CSMD2: variants seen among roughly 807,000 people sequenced by gnomAD.
CSMD2 encodes the protein CUB and Sushi multiple domains 2, also known as CUB and sushi domain-containing protein 2.
CSMD2 carries 130 observed loss-of-function variants against 398.5 expected under a neutral mutation model. That is an observed-to-expected ratio of 0.33 (90% CI 0.28 to 0.38). The LOEUF (loss-of-function observed/expected upper bound fraction) is 0.38. Ranked by LOEUF, CSMD2 falls within the 10% of genes least tolerant of loss-of-function variation. The probability of loss-of-function intolerance (pLI) is 1.00; values close to 1 mark genes in which losing one functional copy is unlikely to be tolerated. For synonymous variants in CSMD2, 1,828 were observed against 1,908.5 expected (o/e 0.96, Z 1.10); for missense variants, 3,829 against 4,764.9 (o/e 0.80, Z 5.78).
intron 2 of CSMD2, among the ~76,000 whole-genome samples, chr1:34,061,909 G>A (rs970307905): frequency 6.6e-6 from 1 of 152,130 alleles, no homozygotes; most frequent in Non-Finnish European, 1.5e-5. Flanking sequence ...GAGGTTGAAA[G>A]CATTATCTTC....
chr1:34,156,590 T>C (rs1375715241), intron 1 of CSMD2, among the ~76,000 whole-genome samples: 1 of 152,212 alleles, frequency 6.6e-6, no homozygotes, highest in African/African-American at 2.4e-5. Context: ...GATGGACACA[T>C]AATTTTTTGA....
At chr1:33,715,568 T>C (rs1483519163) in intron 20 of CSMD2, among the ~76,000 whole-genome samples, 2 of 152,150 alleles carry the variant, frequency 1.3e-5, no homozygotes, top group Non-Finnish European at 2.9e-5. Flanking sequence ...ATGTGACAGG[T>C]GACTTCTGCA....
intron 44 of CSMD2, among the ~76,000 whole-genome samples, chr1:33,594,954 A>G (rs1639740801): frequency 6.6e-6 from 1 of 152,358 alleles, no homozygotes; most frequent in Non-Finnish European, 1.5e-5. Context: ...AGTCGCCAAC[A>G]TGTTGCCCTG....
In CSMD2 at chr1:34,163,668, A is replaced by G. The variant is rs894867538; in HGVS notation, c.187+1243T>C. Among the ~76,000 whole-genome samples, 16 of 152,218 alleles carry G rather than the reference A, an allele frequency of 1.1e-4. No homozygotes were observed. In the East Asian group the frequency reaches 2.3e-3, roughly 22 times the overall value. On this transcript the variant is annotated intron_variant, in intron 1 of 70. Transcript: ENST00000373381. The surrounding 1 kb of genome is among the most constrained non-coding windows in gnomAD (Gnocchi z 5.4). ...AAACAAAACAAAACAAAACAAAAAC[A>G]AAAACAAAAAAGAAAACACGGCTCC...
At chr1:33,726,288 G>C (rs975875993) in intron 16 of CSMD2, among the ~76,000 whole-genome samples, 12 of 152,214 alleles carry the variant, frequency 7.9e-5, no homozygotes, top group African/African-American at 2.6e-4. Flanking sequence ...GGGCTGGGGA[G>C]GGGGGAGCTC....
At chr1:33,957,461 G>A (rs1036671062) in intron 3 of CSMD2, among the ~76,000 whole-genome samples, 1 of 152,034 alleles carries the variant, frequency 6.6e-6, no homozygotes, top group Non-Finnish European at 1.5e-5. Context: ...GCTAGACCTC[G>A]CTTTAAGATT....
At chr1:33,617,022 A>G (rs1331061709) in intron 38 of CSMD2, 47 bp from the exon 39 acceptor site, 2 of 1,482,426 alleles carry the variant, frequency 1.3e-6, no homozygotes, top group South Asian at 1.1e-5. Context: ...CCGTGGGCAC[A>G]ATTGTATGTA....
rs1256599358 is a variant in CSMD2 at position 33,533,815 on chromosome 1, T to A, written c.9972A>T (p.Gly3324=). The A allele has an allele frequency of 4.3e-6, 7 of 1,613,112 alleles. No homozygotes were observed. The highest frequency in any genetic ancestry group is 5.9e-6 in the Non-Finnish European group (7 of 1,179,210). The change falls in exon 63 of 71, where the codon GGA becomes GGT. Residue 3324 remains glycine (G), a synonymous_variant. Transcript: ENST00000373381. The surrounding 1 kb of genome is among the most constrained non-coding windows in gnomAD (Gnocchi z 4.2). ...RTCLPNLTWS[G]TPPDCVPHHC... is the part of the protein sequence containing the mutation. ...ACTCACGGACACAGTCAGGTGGGGT[T>A]CCACTCCAGGTCAGGTTTGGGAGGC...
chr1:33,611,768 G>C (rs1403957730), intron 40 of CSMD2, among the ~76,000 whole-genome samples: 1 of 152,142 alleles, frequency 6.6e-6, no homozygotes, highest in Admixed American at 6.5e-5. Flanking sequence ...TGGGATCTTA[G>C]TGAGTTAATC....
intron 3 of CSMD2, among the ~76,000 whole-genome samples, chr1:33,999,567 T>G (rs1646834061): frequency 6.6e-6 from 1 of 151,924 alleles, no homozygotes; most frequent in Admixed American, 6.6e-5. Flanking sequence ...AGCTAATTTT[T>G]TTTTTTGGTA....
chr1:33,975,999 G>A (rs200776028), intron 3 of CSMD2, among the ~76,000 whole-genome samples: 4 of 152,186 alleles, frequency 2.6e-5, no homozygotes, highest in East Asian at 1.9e-4. Context: ...AGGGGGCACC[G>A]CATTTTAAGT....
At chr1:34,165,396 G>C (rs1641797433), upstream of CSMD2, 1 of 969,006 alleles carries the variant, frequency 1.0e-6, no homozygotes, top group Admixed American at 3.9e-5. Context: ...TGGGGGTGGA[G>C]GCGCAGCTAA....
At chr1:33,705,876 A>C (rs767406903) in intron 22 of CSMD2, among the ~76,000 whole-genome samples, 1 of 149,630 alleles carries the variant, frequency 6.7e-6, no homozygotes, top group Non-Finnish European at 1.5e-5. Context: ...CTAATATTAC[A>C]TATTTGTGGC....
chr1:33,756,193 G>T (rs1450996667), intron 13 of CSMD2, among the ~76,000 whole-genome samples: 2 of 151,934 alleles, frequency 1.3e-5, no homozygotes, highest in Admixed American at 1.3e-4. Flanking sequence ...TCCTCTTTAG[G>T]GCACCTCATC....
At chr1:33,904,371 A>G (rs1051480012) in intron 5 of CSMD2, among the ~76,000 whole-genome samples, 2 of 152,246 alleles carry the variant, frequency 1.3e-5, no homozygotes, top group African/African-American at 4.8e-5. Context: ...GAAACAACCC[A>G]AATGTCCATC....
At chr1:33,704,068 T>C (rs1479064194) in intron 22 of CSMD2, among the ~76,000 whole-genome samples, 1 of 152,216 alleles carries the variant, frequency 6.6e-6, no homozygotes, top group Admixed American at 6.5e-5. Flanking sequence ...TAAAATTTTA[T>C]CTTCTCTCAG....
In CSMD2 at chr1:33,519,098, G is replaced by A. The variant is rs1223481536; in HGVS notation, c.*53+367C>T. On this transcript the variant is annotated intron_variant, in intron 70 of 70. Transcript: ENST00000373381. The surrounding 1 kb of genome is among the most constrained non-coding windows in gnomAD (Gnocchi z 5.6). ...TCTAGAGAGAAACAGACTAGTACAT[G>A]CCGATGTTCTGCCAAGCCCAGGGGT... 1.3e-5 allele frequency among the ~76,000 whole-genome samples: 2 copies of A among 152,138 alleles called. No individual in the cohort carries two copies. Among genetic ancestry groups the A allele is most frequent in the Non-Finnish European group, 2.9e-5 (2 of 68,020 alleles).
chr1:33,679,753 A>G (rs1479200750), intron 25 of CSMD2, among the ~76,000 whole-genome samples: 1 of 152,148 alleles, frequency 6.6e-6, no homozygotes, highest in African/African-American at 2.4e-5. Flanking sequence ...AGTCTCCTAT[A>G]AGGATTGTCA....
intron 1 of CSMD2, among the ~76,000 whole-genome samples, chr1:34,159,570 T>A (rs1391239841): frequency 1.3e-5 from 2 of 152,242 alleles, no homozygotes; most frequent in Non-Finnish European, 2.9e-5. Flanking sequence ...CAGCCAGGCC[T>A]GCATCCAAAC....
Sources: gnomAD v4.1 joint callset for allele counts (sites outside exome capture counted in the v4.1 genomes callset) on GRCh38, gnomAD v4.1.1 for gene constraint, Gnocchi (gnomAD v3.1) non-coding constraint, MANE v1.5 for transcripts, NCBI Gene and HGNC (gene_info 2026-07-23, HGNC 2026-07-21) for gene names.